AIM2: variants seen among roughly 807,000 people sequenced by gnomAD.
The protein encoded by AIM2 is interferon-inducible protein AIM2.
In AIM2, 30 loss-of-function variants were observed where a neutral mutation model predicts 27.7. That is an observed-to-expected ratio of 1.08 (90% confidence interval 0.81 to 1.47). The LOEUF is 1.47. AIM2 is among the 40% of genes most tolerant of loss of function. The pLI is 0.00. For synonymous variants in AIM2, 141 were observed against 145.3 expected, an observed-to-expected ratio of 0.97 and a Z score of 0.21; for missense variants, 358 against 411.3, an observed-to-expected ratio of 0.87 and a Z score of 1.12.
At chr1:159,126,051 C>G (rs184188735) in intron 1 of AIM2, among the ~76,000 whole-genome samples, 1 of 152,244 alleles carries the variant, frequency 6.6e-6, no homozygotes, top group Admixed American at 6.5e-5. Flanking sequence ...CATTCTAGAC[C>G]CTCGAAAGCT....
intron 1 of AIM2, among the ~76,000 whole-genome samples, chr1:159,116,788 C>T (rs1164739288): frequency 6.6e-6 from 1 of 151,006 alleles, no homozygotes; most frequent in Non-Finnish European, 1.5e-5. Context: ...ACATATGTAA[C>T]TAACCTGCAC....
chr1:159,114,448 T>C (rs1384543951), intron 1 of AIM2, among the ~76,000 whole-genome samples: 1 of 152,134 alleles, frequency 6.6e-6, no homozygotes, highest in Admixed American at 6.5e-5. Flanking sequence ...GGGACGGGCA[T>C]GGTGGCTCAT....
Position 159,092,736 on chromosome 1 carries a change from C to T in AIM2, c.-15-26407G>A, listed in dbSNP as rs1052976496. On this transcript the variant is annotated intron_variant, in intron 1 of 2. Transcript: ENST00000368129. The stretch of plus-strand genomic sequence containing the variant: ...GTAAGTAGAGGAGTCAAAATTTGAT[C>T]CCAGGGGCTGGACACACTGGCTCAC... Among the ~76,000 whole-genome samples the T allele has an allele frequency of 2.6e-5, 4 of 152,076 alleles. 1 individual carries two copies. The highest frequency in any genetic ancestry group is 4.1e-4 in the South Asian group (2 of 4,828).
intron 1 of AIM2, among the ~76,000 whole-genome samples, chr1:159,094,865 C>T (rs1657136461): frequency 6.6e-6 from 1 of 151,928 alleles, no homozygotes; most frequent in Non-Finnish European, 1.5e-5. Context: ...CTTTGTATGT[C>T]TAATTTATTT....
chr1:159,113,036 C>T (rs981665100), intron 1 of AIM2, among the ~76,000 whole-genome samples: 1 of 151,788 alleles, frequency 6.6e-6, no homozygotes, highest in African/African-American at 2.4e-5. Context: ...GCTCCGCTTC[C>T]GGGGTTCACG....
chr1:159,131,887 A>G (rs1055784798), intron 1 of AIM2, among the ~76,000 whole-genome samples: 1 of 152,222 alleles, frequency 6.6e-6, no homozygotes, highest in Non-Finnish European at 1.5e-5. Context: ...TTTACAGACA[A>G]CACATGCATT....
At chr1:159,075,920 A>T (rs1656589619) in intron 1 of AIM2, among the ~76,000 whole-genome samples, 1 of 152,228 alleles carries the variant, frequency 6.6e-6, no homozygotes, top group Non-Finnish European at 1.5e-5. Context: ...GTCAATGTTA[A>T]TAAATTCTAA....
chr1:159,109,214 T>C (rs181998746), intron 1 of AIM2, among the ~76,000 whole-genome samples: 2 of 152,134 alleles, frequency 1.3e-5, no homozygotes, highest in Non-Finnish European at 2.9e-5. Context: ...AATAGGCACA[T>C]AGAGCAATGG....
At chr1:159,102,559 C>T (rs185717680) in intron 1 of AIM2, among the ~76,000 whole-genome samples, 2 of 152,346 alleles carry the variant, frequency 1.3e-5, no homozygotes, top group African/African-American at 4.8e-5. Context: ...CGTGAAAGCA[C>T]CCGGCGGGGG....
intron 1 of AIM2, among the ~76,000 whole-genome samples, chr1:159,125,936 G>A (rs970217769): frequency 6.6e-6 from 1 of 152,118 alleles, no homozygotes; most frequent in South Asian, 2.1e-4. Context: ...CACTCCTACT[G>A]TGACTATAAG....
chr1:159,074,580 T>C (rs1293950230), intron 1 of AIM2, among the ~76,000 whole-genome samples: 1 of 152,162 alleles, frequency 6.6e-6, no homozygotes, highest in Admixed American at 6.5e-5. Flanking sequence ...TATAGTTGTT[T>C]ATGTATAGTA....
At chr1:159,105,806 G>A (rs569244360) in intron 1 of AIM2, among the ~76,000 whole-genome samples, 62 of 152,188 alleles carry the variant, frequency 4.1e-4, no homozygotes, top group African/African-American at 1.4e-3. Flanking sequence ...TGTAGTTATT[G>A]GTCCATGGGT....
Position 159,105,602 on chromosome 1 carries a change from G to A in AIM2, c.-16+34829C>T, listed in dbSNP as rs193145182. Among the ~76,000 whole-genome samples the A allele has an allele frequency of 2.1e-3, 315 of 152,286 alleles. 2 individuals are homozygous for A. Among genetic ancestry groups the A allele is most frequent in the Middle Eastern group, 0.017 (5 of 294 alleles). On this transcript the variant is annotated intron_variant, in intron 1 of 2. Transcript: ENST00000368129. ...CCAAAGTGGGTAGCTCCTATACACAGGCAGGTCGTCCCGATGAGTGTCCAG... is the reference window on the plus strand; with the variant it reads ...CCAAAGTGGGTAGCTCCTATACACAAGCAGGTCGTCCCGATGAGTGTCCAG...
In AIM2 at chr1:159,107,435, G is replaced by A. The variant is rs187388373; in HGVS notation, c.-16+32996C>T. Among the ~76,000 whole-genome samples the A allele has an allele frequency of 2.0e-5, 3 of 152,146 alleles. No individual in the cohort carries two copies. The East Asian group carries it at 5.8e-4, about 29-fold the overall frequency. On this transcript the variant is annotated intron_variant, in intron 1 of 2. Transcript: ENST00000368129. ...TGGATAATGTGATTTCAATTGGGTA[G>A]TCAGACTATGCCTCACTGAGAAGGT... is the stretch of plus-strand genomic sequence containing the variant.
At chr1:159,113,239 C>T (rs1015430978) in intron 1 of AIM2, among the ~76,000 whole-genome samples, 4 of 152,118 alleles carry the variant, frequency 2.6e-5, no homozygotes, top group Non-Finnish European at 4.4e-5. Context: ...CCACTGCACC[C>T]GGCCCAAATC....
At chr1:159,087,522 CTG>C (rs1656945452) in intron 1 of AIM2, among the ~76,000 whole-genome samples, 1 of 150,718 alleles carries the variant, frequency 6.6e-6, no homozygotes, top group South Asian at 2.1e-4. Context: ...ATGATGCCAT[CTG>C]TGTGTTATAA....
chr1:159,103,234 C>T (rs1275341859), intron 1 of AIM2, among the ~76,000 whole-genome samples: 1 of 152,192 alleles, frequency 6.6e-6, no homozygotes, highest in Non-Finnish European at 1.5e-5. Flanking sequence ...AACGCCTCCA[C>T]CATGATTGTA....
In AIM2 at chr1:159,128,372, G is replaced by A. The variant is rs1029928933; in HGVS notation, c.-16+12059C>T. ...CAGAATCCCGTCCTCTCTTTCCTTT[G>A]AGTTTTCTATCTCCATTAAACTTCT... is the stretch of plus-strand genomic sequence containing the variant. On this transcript the variant is annotated intron_variant, in intron 1 of 2. Coordinates refer to the AIM2 transcript ENST00000368129. Among the ~76,000 whole-genome samples, 3 of 151,858 alleles carry A rather than the reference G, an allele frequency of 2.0e-5. No individual in the cohort carries two copies. The East Asian group carries it at 5.8e-4, about 29-fold the overall frequency.
intron 2 of AIM2, among the ~76,000 whole-genome samples, chr1:159,072,982 A>G (rs1200269720): frequency 2.6e-5 from 4 of 152,382 alleles, no homozygotes; most frequent in Non-Finnish European, 5.9e-5. Context: ...GCAAGGAGAA[A>G]AGATGTTAAA....
Sources: gnomAD v4.1 joint callset for allele counts (sites outside exome capture counted in the v4.1 genomes callset) on GRCh38, gnomAD v4.1.1 for gene constraint, MANE v1.5 for transcripts, NCBI Gene and HGNC (gene_info 2026-07-23, HGNC 2026-07-21) for gene names.